Variants in CACNA1E observed in about 807,000 individuals in gnomAD.
CACNA1E encodes the protein calcium voltage-gated channel subunit alpha1 E, also known as voltage-dependent R-type calcium channel subunit alpha-1E.
In CACNA1E, 40 loss-of-function variants were observed where a neutral mutation model predicts 259.2. That is an observed-to-expected ratio of 0.15 (90% CI 0.12 to 0.20). The LOEUF is 0.20. Among genes scored for constraint, CACNA1E ranks in the 10% least tolerant of loss-of-function variants. The pLI is 1.00. For synonymous variants in CACNA1E, 1,104 were observed against 1,138.5 expected, an observed-to-expected ratio of 0.97 and a Z score of 0.61; for missense variants, 1,874 against 3,040.1, an observed-to-expected ratio of 0.62 and a Z score of 9.02.
chr1:181,722,985 T>C (rs1654549521), intron 16 of CACNA1E, among the ~76,000 whole-genome samples: 1 of 152,212 alleles, frequency 6.6e-6, no homozygotes, highest in Non-Finnish European at 1.5e-5. Context: ...TGGGCTTTGA[T>C]GCTAGAACAG....
intron 3 of CACNA1E, among the ~76,000 whole-genome samples, chr1:181,547,638 A>G (rs1647635781): frequency 6.6e-6 from 1 of 152,218 alleles, no homozygotes; most frequent in Admixed American, 6.5e-5. Context: ...GATGTAGAGG[A>G]AGCATTCTCG....
chr1:181,391,840 A>G (rs1322639353), intron 1 of CACNA1E, among the ~76,000 whole-genome samples: 2 of 152,130 alleles, frequency 1.3e-5, no homozygotes, highest in Non-Finnish European at 2.9e-5. Context: ...TTTGTCTGTC[A>G]GAAAGTACCA....
intron 3 of CACNA1E, among the ~76,000 whole-genome samples, chr1:181,573,364 C>T (rs902614522): frequency 6.6e-6 from 1 of 152,172 alleles, no homozygotes; most frequent in African/African-American, 2.4e-5. Flanking sequence ...CCATTTTCAA[C>T]TCTTTACTTT....
chr1:181,763,641 T>A, intron 34 of CACNA1E, 110 bp downstream of exon 34: 3 of 748,934 alleles, frequency 4.0e-6, no homozygotes, highest in Non-Finnish European at 5.9e-6. Context: ...CTGAAGCTAG[T>A]AGAACGGGTG....
chr1:181,581,760 C>T (rs530774694), intron 6 of CACNA1E, among the ~76,000 whole-genome samples: 1 of 152,296 alleles, frequency 6.6e-6, no homozygotes, highest in Admixed American at 6.5e-5. Flanking sequence ...TTTTGAAGGA[C>T]TGTACCCTTA....
intron 1 of CACNA1E, among the ~76,000 whole-genome samples, chr1:181,322,148 C>T (rs983394402): frequency 6.6e-6 from 1 of 152,162 alleles, no homozygotes; most frequent in Non-Finnish European, 1.5e-5. Context: ...GGTAGCTCAG[C>T]TGGTCAGGGA....
chr1:181,351,398 TG>T (rs1433200230), intron 1 of CACNA1E, among the ~76,000 whole-genome samples: 3 of 152,168 alleles, frequency 2.0e-5, no homozygotes, highest in African/African-American at 7.2e-5. Flanking sequence ...TGGAGGAAGA[TG>T]GCCATAAGTT....
intron 4 of CACNA1E, 59 bp downstream of exon 4, chr1:181,577,928 G>C (rs1319582034): frequency 8.9e-7 from 1 of 1,126,734 alleles, no homozygotes. Flanking sequence ...TCCTCAGCTG[G>C]ATCCAGGTCT....
chr1:181,633,791 C>T (rs1375261665), intron 6 of CACNA1E, among the ~76,000 whole-genome samples: 1 of 152,188 alleles, frequency 6.6e-6, no homozygotes, highest in Non-Finnish European at 1.5e-5. Context: ...TGTGCCTGGC[C>T]TCAAACTGTA....
In CACNA1E at chr1:181,665,272, T is replaced by C. The variant is rs553625185; in HGVS notation, c.1055+13831T>C. Among the ~76,000 whole-genome samples, 21 of 152,332 alleles carry C rather than the reference T, an allele frequency of 1.4e-4. No individual in the cohort carries two copies. In the South Asian group the frequency reaches 4.1e-3, roughly 30 times the overall value. ...ATTTTCACACATGTATATGATGTTT[T>C]CTATTCATGTGCAAACTGCAATTCA... On this transcript the variant is annotated intron_variant, in intron 7 of 47. Transcript: ENST00000367573.
chr1:181,751,091 A>G (rs968628115), intron 26 of CACNA1E, among the ~76,000 whole-genome samples: 4 of 152,144 alleles, frequency 2.6e-5, no homozygotes, highest in African/African-American at 9.7e-5. Flanking sequence ...TTGGTGTAAG[A>G]GTAATCTGGG....
rs372380489 is a variant in CACNA1E at position 181,732,458 on chromosome 1, T to C, written c.2372T>C (p.Met791Thr). The C allele has an allele frequency of 1.3e-6, 2 of 1,550,924 alleles. No homozygotes were observed. The highest frequency in any genetic ancestry group is 1.7e-6 in the Non-Finnish European group (2 of 1,146,698). ...AGCCAGCTGAGGAAGCACATGCAGA[T>C]GTCCAGCCAGGAGGCCCTCAACAGA... Reference protein sequence around the residue: ...RTSQLRKHMQMSSQEALNREE... With the variant: ...RTSQLRKHMQTSSQEALNREE... Residue 791 changes from methionine (M) to threonine (T), a missense_variant, in exon 20 of 48, where the codon ATG becomes ACG. Met to Thr is a moderately conservative substitution (Grantham distance 81). Around this residue, in one of 14 missense-constraint regions of CACNA1E, gnomAD observed 476 missense variants for 514.0 expected, o/e 0.93. Transcript: ENST00000367573. This position sits in a 1 kb window ranked among gnomAD's most constrained non-coding sequence, Gnocchi z 5.5.
chr1:181,684,291 G>A (rs1438376507), intron 7 of CACNA1E, among the ~76,000 whole-genome samples: 1 of 152,110 alleles, frequency 6.6e-6, no homozygotes, highest in Non-Finnish European at 1.5e-5. Flanking sequence ...CTTTTGAGGA[G>A]TGCTTGTTCA....
chr1:181,630,213 A>T lies in CACNA1E; in HGVS notation c.952-21125A>T, dbSNP rs527295956. Among the ~76,000 whole-genome samples the T allele has an allele frequency of 2.0e-5, 3 of 152,280 alleles. No homozygotes were observed. In the East Asian group the frequency reaches 5.8e-4, roughly 29 times the overall value. ...TTGTAATTTAATGTACAAAGACAAA[A>T]TAAGTACCTAGAAATTAAGAACAGA... On this transcript the variant is annotated intron_variant, in intron 6 of 47. Transcript: ENST00000367573.
At chr1:181,690,257 G>A (rs994756183) in intron 7 of CACNA1E, among the ~76,000 whole-genome samples, 1 of 152,062 alleles carries the variant, frequency 6.6e-6, no homozygotes, top group African/African-American at 2.4e-5. Context: ...GCTTGTTTTT[G>A]TCAGATTTGT....
upstream of CACNA1E, among the ~76,000 whole-genome samples, chr1:181,479,492 G>A (rs1039465852): frequency 4.6e-5 from 7 of 152,118 alleles, no homozygotes; most frequent in Non-Finnish European, 7.4e-5. Flanking sequence ...AGTGGAACTC[G>A]GGGCACTGGA....
At chr1:181,593,428 T>G (rs573039698) in intron 6 of CACNA1E, among the ~76,000 whole-genome samples, 1 of 152,250 alleles carries the variant, frequency 6.6e-6, no homozygotes, top group Non-Finnish European at 1.5e-5. Flanking sequence ...TTGAAAAACA[T>G]ACCTATATTT....
intron 27 of CACNA1E, among the ~76,000 whole-genome samples, chr1:181,754,182 A>G (rs899819352): frequency 2.0e-5 from 3 of 152,174 alleles, no homozygotes; most frequent in African/African-American, 7.2e-5. Context: ...GCTTGATGAG[A>G]TTCGTTAATA....
At chr1:181,610,046 G>T (rs1000204244) in intron 6 of CACNA1E, among the ~76,000 whole-genome samples, 1 of 152,118 alleles carries the variant, frequency 6.6e-6, no homozygotes, top group Non-Finnish European at 1.5e-5. Flanking sequence ...AGTATTCATT[G>T]GATGGTGAAG....
Sources: gnomAD v4.1 joint callset for allele counts (sites outside exome capture counted in the v4.1 genomes callset) on GRCh38, gnomAD v4.1.1 for gene constraint, gnomAD v4.1.1 regional missense constraint, Gnocchi (gnomAD v3.1) non-coding constraint, MANE v1.5 for transcripts, NCBI Gene and HGNC (gene_info 2026-07-23, HGNC 2026-07-21) for gene names.